Variants in KHDRBS2 observed in about 807,000 individuals in gnomAD.
KHDRBS2 encodes the protein KH RNA binding domain containing, signal transduction associated 2.
A neutral mutation model predicts 44.3 loss-of-function variants in KHDRBS2; 26 were observed. The ratio of observed to expected loss-of-function variants is 0.59; its 90% confidence interval spans 0.43 to 0.81. The LOEUF is 0.81. Among genes scored for constraint, KHDRBS2 ranks in the 40% least tolerant of loss-of-function variants. The pLI is 0.00. For synonymous variants in KHDRBS2, 194 were observed against 151.1 expected (o/e 1.28, Z -2.08); for missense variants, 476 against 433.1 (o/e 1.10, Z -0.88).
At chr6:61,599,469 A>C in the KHDRBS2 span, among the ~76,000 whole-genome samples, 13 of 143,610 alleles carry the variant, frequency 9.1e-5, no homozygotes, top group Non-Finnish European at 1.4e-4. Context: ...TAGCCCCCCC[A>C]AAAAATTTTC....
chr6:61,732,303 A>G (rs1301010923), intron 7 of KHDRBS2, among the ~76,000 whole-genome samples: 1 of 152,050 alleles, frequency 6.6e-6, no homozygotes, highest in East Asian at 1.9e-4. Flanking sequence ...AGTACCAATG[A>G]CATTTTATTA....
Position 62,071,123 on chromosome 6 carries a change from T to C in KHDRBS2, c.220-23129A>G, listed in dbSNP as rs145615619. 3.2e-3 allele frequency among the ~76,000 whole-genome samples: 482 copies of C among 152,126 alleles called. 2 individuals are homozygous for C. The highest frequency in any genetic ancestry group is 0.011 in the African/African-American group (459 of 41,544). On this transcript the variant is annotated intron_variant, in intron 2 of 8. Coordinates refer to ENST00000281156, the MANE Select transcript of KHDRBS2 (RefSeq NM_152688.4). Reference sequence around the variant, plus strand: ...AGCATTTTTTTCATGTGTCTTTTGGTTGCATAAATGTCTTCTTTTGAGAAG... The same window carrying C: ...AGCATTTTTTTCATGTGTCTTTTGGCTGCATAAATGTCTTCTTTTGAGAAG...
At chr6:62,032,603 T>C (rs1388933756) in intron 3 of KHDRBS2, among the ~76,000 whole-genome samples, 1 of 151,318 alleles carries the variant, frequency 6.6e-6, no homozygotes, top group Non-Finnish European at 1.5e-5. Context: ...CCCTGACAAA[T>C]AAAACCGTCA....
intron 2 of KHDRBS2, among the ~76,000 whole-genome samples, chr6:62,068,717 T>C (rs912278701): frequency 1.3e-5 from 2 of 151,610 alleles, no homozygotes; most frequent in South Asian, 4.2e-4. Context: ...TACATGTGAC[T>C]AACCAGTTTT....
At chr6:62,014,827 T>G (rs1379005893) in intron 3 of KHDRBS2, among the ~76,000 whole-genome samples, 1 of 152,172 alleles carries the variant, frequency 6.6e-6, no homozygotes, top group African/African-American at 2.4e-5. Context: ...ACTTGTCATA[T>G]ATTTGATAAA....
chr6:61,806,418 G>A (rs1787172007), intron 6 of KHDRBS2, among the ~76,000 whole-genome samples: 1 of 152,108 alleles, frequency 6.6e-6, no homozygotes, highest in African/African-American at 2.4e-5. Context: ...GCTACCAGTT[G>A]CTACAGAATC....
At chr6:61,549,142 G>A in the KHDRBS2 span, among the ~76,000 whole-genome samples, 1 of 152,126 alleles carries the variant, frequency 6.6e-6, no homozygotes, top group African/African-American at 2.4e-5. Flanking sequence ...GGAGATTAAG[G>A]AGGGCATCTT....
At chr6:61,855,814 C>A (rs552287281) in intron 6 of KHDRBS2, among the ~76,000 whole-genome samples, 15 of 151,982 alleles carry the variant, frequency 9.9e-5, no homozygotes, top group Admixed American at 5.9e-4. Flanking sequence ...CAACATGGTT[C>A]CTTAGGGAGT....
rs182208959 is a variant in KHDRBS2, at chr6:62,159,537, T to G, written c.219+17648A>C. ...AACTGTGCTTCCATAAGTGGGAGTA[T>G]CTTAGAGAAGAGACTACATAATTAA... On this transcript the variant is annotated intron_variant, in intron 2 of 8. Coordinates refer to ENST00000281156, the MANE Select transcript of KHDRBS2 (RefSeq NM_152688.4). Among the ~76,000 whole-genome samples, 13 of 152,190 alleles carry G rather than the reference T, an allele frequency of 8.5e-5. No individual in the cohort carries two copies. The East Asian group carries it at 2.1e-3, about 25-fold the overall frequency.
intron 6 of KHDRBS2, among the ~76,000 whole-genome samples, chr6:61,759,608 C>T (rs1007932227): frequency 7.2e-5 from 11 of 151,946 alleles, no homozygotes; most frequent in Admixed American, 2.0e-4. Context: ...TTTGAAGATG[C>T]GGTCAAACTC....
At chr6:62,124,936 A>C (rs570169653) in intron 2 of KHDRBS2, among the ~76,000 whole-genome samples, 50 of 152,176 alleles carry the variant, frequency 3.3e-4, no homozygotes, top group Admixed American at 7.8e-4. Flanking sequence ...AGCTATTCTG[A>C]CTGGTGTAAG....
chr6:61,732,070 G>A (rs1392896865), intron 7 of KHDRBS2, among the ~76,000 whole-genome samples: 3 of 152,010 alleles, frequency 2.0e-5, no homozygotes, highest in Non-Finnish European at 2.9e-5. Context: ...TTACACAGTA[G>A]TTTGCATCTG....
At chr6:61,556,730 G>C in the KHDRBS2 span, among the ~76,000 whole-genome samples, 5 of 152,080 alleles carry the variant, frequency 3.3e-5, no homozygotes, top group African/African-American at 1.2e-4. Context: ...GGGAACTTTG[G>C]TGTCTGGTAC....
chr6:61,876,460 G>A (rs1473501847), intron 6 of KHDRBS2, among the ~76,000 whole-genome samples: 1 of 151,574 alleles, frequency 6.6e-6, no homozygotes, highest in African/African-American at 2.4e-5. Context: ...ATCAGAAGTA[G>A]GTAGCTTTAT....
At chr6:62,183,762 A>G (rs979591961) in intron 1 of KHDRBS2, among the ~76,000 whole-genome samples, 1 of 151,722 alleles carries the variant, frequency 6.6e-6, no homozygotes, top group Admixed American at 6.6e-5. Context: ...ACCTTGAAAT[A>G]TAACAATAGG....
intron 8 of KHDRBS2, among the ~76,000 whole-genome samples, chr6:61,683,177 C>G (rs1766486156): frequency 6.6e-6 from 1 of 151,778 alleles, no homozygotes. Flanking sequence ...TGAAAAACAG[C>G]TAAACAATCA....
At chr6:62,248,804 C>G (rs1487968034) in intron 1 of KHDRBS2, among the ~76,000 whole-genome samples, 1 of 152,058 alleles carries the variant, frequency 6.6e-6, no homozygotes. Context: ...ACAAAGTAAA[C>G]ATGCTGTACC....
At chr6:61,687,692 A>G (rs1766973281) in intron 8 of KHDRBS2, among the ~76,000 whole-genome samples, 1 of 151,774 alleles carries the variant, frequency 6.6e-6, no homozygotes, top group African/African-American at 2.4e-5. Context: ...GTATATACCT[A>G]ATTTCCATAT....
At chr6:61,622,821 C>A in the KHDRBS2 span, among the ~76,000 whole-genome samples, 3 of 152,080 alleles carry the variant, frequency 2.0e-5, no homozygotes, top group Admixed American at 6.5e-5. Context: ...GGGGCATCTG[C>A]ATCACCAAGA....
Sources: allele counts gnomAD v4.1 joint callset (sites outside exome capture counted in the v4.1 genomes callset), GRCh38; gene constraint gnomAD v4.1.1; transcripts MANE v1.5; gene names NCBI Gene and HGNC (gene_info 2026-07-23, HGNC 2026-07-21).